The following CYTH1 variants were observed in gnomAD, a reference collection of about 807,000 sequenced individuals.
The protein encoded by CYTH1 is cytohesin 1, also known as cytohesin-1.
CYTH1 carries 18 observed loss-of-function variants against 61.8 expected under a neutral mutation model. That is an observed-to-expected ratio of 0.29 (90% CI 0.20 to 0.43). The LOEUF is 0.43. CYTH1 is among the 20% of genes least tolerant of loss of function. CYTH1 has a pLI of 1.00. For synonymous variants in CYTH1, 174 were observed against 184.3 expected (o/e 0.94, Z 0.45); for missense variants, 336 against 510.5 (o/e 0.66, Z 3.29).
chr17:78,719,816 A>G (rs1427153626), intron 1 of CYTH1, among the ~76,000 whole-genome samples: 1 of 152,226 alleles, frequency 6.6e-6, no homozygotes, highest in Non-Finnish European at 1.5e-5. Flanking sequence ...CTTTCTGCCA[A>G]TAATACACTG....
chr17:78,690,166 T>A (rs2092864134), intron 11 of CYTH1, among the ~76,000 whole-genome samples: 1 of 151,852 alleles, frequency 6.6e-6, no homozygotes, highest in Admixed American at 6.6e-5. Flanking sequence ...AAGGCTGAGA[T>A]GGGCGGATCA....
rs2092693713 is a variant in CYTH1 at position 78,675,965 on chromosome 17, A to G, written c.*126T>C. On this transcript the variant is annotated 3_prime_UTR_variant, in exon 14 of 14. Coordinates refer to ENST00000446868, the MANE Select transcript of CYTH1 (RefSeq NM_004762.6). Reference sequence around the variant, plus strand: ...AAAAAAAATAGCAAAAGCTGAAGCTAGTCTCTAGGAATCCAGGGCGGGGCC... The same window carrying G: ...AAAAAAAATAGCAAAAGCTGAAGCTGGTCTCTAGGAATCCAGGGCGGGGCC... 4.5e-6 allele frequency: 7 copies of G among 1,549,220 alleles called. No homozygotes were observed. The highest frequency in any genetic ancestry group is 6.1e-6 in the Non-Finnish European group (7 of 1,145,916).
chr17:78,701,590 T>C, intron 6 of CYTH1, 81 bp downstream of exon 6: 1 of 1,276,954 alleles, frequency 7.8e-7, no homozygotes, highest in Non-Finnish European at 1.1e-6. Flanking sequence ...ATAATTTCAA[T>C]AAAATGCCCC....
At chr17:78,734,772 G>T (rs2093312819) in intron 1 of CYTH1, among the ~76,000 whole-genome samples, 1 of 152,082 alleles carries the variant, frequency 6.6e-6, no homozygotes, top group African/African-American at 2.4e-5. Context: ...AAAATTGTGG[G>T]TTTGAGATTA....
At chr17:78,734,504 G>C (rs962591114) in intron 1 of CYTH1, among the ~76,000 whole-genome samples, 1 of 123,002 alleles carries the variant, frequency 8.1e-6, no homozygotes, top group Non-Finnish European at 1.6e-5. Flanking sequence ...GCAGTGGTAC[G>C]ATTTCGGCTC....
At chr17:78,724,006 A>G (rs971516365) in intron 1 of CYTH1, 1 of 152,274 alleles carries the variant, frequency 6.6e-6, no homozygotes, top group Non-Finnish European at 1.5e-5. Flanking sequence ...CTTTTCACCA[A>G]GAAGGACTCG....
chr17:78,702,051 T>C (rs1056607963), intron 5 of CYTH1, 71 bp downstream of exon 5: 32 of 1,270,844 alleles, frequency 2.5e-5, no homozygotes, highest in Non-Finnish European at 8.0e-6. Context: ...TTCAGAGTAT[T>C]TGGGAGTTTG....
chr17:78,676,429 C>T (rs1263116985), intron 13 of CYTH1: 5 of 496,444 alleles, frequency 1.0e-5, no homozygotes, highest in Non-Finnish European at 1.8e-5. Flanking sequence ...AATCAATTCA[C>T]ATTTAGGAAC....
chr17:78,769,386 T>C (rs1030524508), intron 1 of CYTH1, among the ~76,000 whole-genome samples: 3 of 152,068 alleles, frequency 2.0e-5, no homozygotes, highest in African/African-American at 7.2e-5. Context: ...TGTCCTCTCA[T>C]TCTCTTTGCT....
intron 11 of CYTH1, among the ~76,000 whole-genome samples, chr17:78,688,713 T>C (rs1029660973): frequency 1.3e-5 from 2 of 152,226 alleles, no homozygotes; most frequent in Non-Finnish European, 1.5e-5. Flanking sequence ...TTTTTTCTTT[T>C]GAAAACTCCA....
intron 1 of CYTH1, among the ~76,000 whole-genome samples, chr17:78,767,621 G>A (rs1598924022): frequency 1.3e-5 from 2 of 151,718 alleles, no homozygotes; most frequent in South Asian, 2.1e-4. Flanking sequence ...ATGAACAAAC[G>A]GATGGTTGGA....
intron 11 of CYTH1, among the ~76,000 whole-genome samples, chr17:78,684,909 T>C (rs1401103604): frequency 6.6e-6 from 1 of 152,122 alleles, no homozygotes; most frequent in Non-Finnish European, 1.5e-5. Flanking sequence ...ATGAAAACAT[T>C]AAGAGGTCTG....
At chr17:78,730,463 C>T (rs1242256971) in intron 1 of CYTH1, among the ~76,000 whole-genome samples, 57 of 148,678 alleles carry the variant, frequency 3.8e-4, no homozygotes, top group Non-Finnish European at 6.7e-4. Flanking sequence ...GGTGTGAACT[C>T]GGGAGGCAGA....
intron 1 of CYTH1, among the ~76,000 whole-genome samples, chr17:78,720,790 G>A (rs559850329): frequency 3.3e-5 from 5 of 152,290 alleles, no homozygotes; most frequent in South Asian, 2.1e-4. Context: ...TGCGAGGACC[G>A]CGTAAGCCCT....
At position 78,700,463 on chromosome 17, in the gene CYTH1, G is replaced by C. The variant is rs775531505; in HGVS notation, c.438-20C>G. 3 of 1,588,312 alleles carry C rather than the reference G, an allele frequency of 1.9e-6. No homozygotes were observed. Among genetic ancestry groups the C allele is most frequent in the African/African-American group, 2.7e-5 (2 of 73,786 alleles). ...AACTGCCTGAGTGGGTAAAGACAGA[G>C]TGTTCCAGAACTTGGGGAGGCAATT... On this transcript the variant is annotated intron_variant, in intron 6 of 13. Transcript: ENST00000446868. This position sits in a 1 kb window ranked among gnomAD's most constrained non-coding sequence, Gnocchi z 5.1.
At chr17:78,680,063 G>T (rs1211512006) in intron 13 of CYTH1, 127 bp downstream of exon 13, 3 of 1,315,090 alleles carry the variant, frequency 2.3e-6, no homozygotes, top group African/African-American at 3.0e-5. Flanking sequence ...GAACCAGGAC[G>T]AAGCTTCCCT....
chr17:78,757,961 G>C (rs1445773535), intron 1 of CYTH1, among the ~76,000 whole-genome samples: 1 of 151,972 alleles, frequency 6.6e-6, no homozygotes, highest in Non-Finnish European at 1.5e-5. Context: ...TTCAATGTCA[G>C]GAAGGATAAA....
At chr17:78,781,583 C>T (rs947819123) in intron 1 of CYTH1, among the ~76,000 whole-genome samples, 33 of 152,232 alleles carry the variant, frequency 2.2e-4, no homozygotes, top group African/African-American at 7.5e-4. Flanking sequence ...CCCAGACTCC[C>T]GCGGGCAGGG....
chr17:78,774,033 A>C (rs1403690153), intron 1 of CYTH1, among the ~76,000 whole-genome samples: 3 of 152,150 alleles, frequency 2.0e-5, no homozygotes, highest in Admixed American at 6.5e-5. Flanking sequence ...TTTTGTAACC[A>C]CCAAATTCAG....
Sources: gnomAD v4.1 joint callset for allele counts (sites outside exome capture counted in the v4.1 genomes callset) on GRCh38, gnomAD v4.1.1 for gene constraint, Gnocchi (gnomAD v3.1) non-coding constraint, MANE v1.5 for transcripts, NCBI Gene and HGNC (gene_info 2026-07-23, HGNC 2026-07-21) for gene names.